Variants in TMEM132C observed in about 807,000 individuals in gnomAD.
TMEM132C encodes the protein transmembrane protein 132C.
Under a neutral mutation model 61.4 loss-of-function variants are expected in TMEM132C, and 29 were observed. The observed-to-expected ratio is 0.47, with a 90% CI of 0.35 to 0.64. The LOEUF is 0.64. Ranked by LOEUF, TMEM132C falls within the 30% of genes least tolerant of loss-of-function variation. The pLI, the probability that TMEM132C is intolerant of heterozygous loss-of-function variation, is 0.00. For synonymous variants in TMEM132C, 656 were observed against 633.1 expected (o/e 1.04, Z -0.54); for missense variants, 1,408 against 1,476.9 (o/e 0.95, Z 0.76).
intron 2 of TMEM132C, among the ~76,000 whole-genome samples, chr12:128,489,040 A>G (rs932937590): frequency 1.2e-4 from 19 of 152,160 alleles, no homozygotes; most frequent in African/African-American, 4.6e-4. Flanking sequence ...GGGGTGCTTT[A>G]GAGAGTCCCA....
At chr12:128,411,980 G>A (rs1189290756) in intron 1 of TMEM132C, among the ~76,000 whole-genome samples, 1 of 152,272 alleles carries the variant, frequency 6.6e-6, no homozygotes, top group Non-Finnish European at 1.5e-5. Context: ...ACAGAAAGTA[G>A]TTTCAGAATT....
At chr12:128,429,228 A>G (rs1311114876) in intron 2 of TMEM132C, among the ~76,000 whole-genome samples, 1 of 152,214 alleles carries the variant, frequency 6.6e-6, no homozygotes, top group East Asian at 1.9e-4. Context: ...TGCTACTGGC[A>G]TCTAGTAAAC....
chr12:128,685,888 G>A (rs79058142), intron 5 of TMEM132C, among the ~76,000 whole-genome samples: 3,383 of 152,278 alleles, frequency 0.022, 87 homozygotes, highest in South Asian at 0.14. Flanking sequence ...TGTGTTTATG[G>A]TGTGGACTCA....
At chr12:128,378,084 C>G (rs1874258194) in intron 1 of TMEM132C, among the ~76,000 whole-genome samples, 1 of 151,146 alleles carries the variant, frequency 6.6e-6, no homozygotes, top group Non-Finnish European at 1.5e-5. Flanking sequence ...TTTAGAAGAT[C>G]ACTTGGAGGT....
At position 128,705,612 on chromosome 12, in the gene TMEM132C, GA is replaced by G; in HGVS notation, c.2645del (p.Glu882GlyfsTer39). Reference sequence around the variant, plus strand: ...GGCAGACGGGGGCAGGCTGGCAGGAGAGGGGCAGCTGCAGAACATCCCCATT... The same window carrying G: ...GGCAGACGGGGGCAGGCTGGCAGGAGGGGGCAGCTGCAGAACATCCCCATT... The part of the protein sequence containing the change: ...SRADGGRLAG[E>X]GQLQNIPIDF... On this transcript the variant is annotated frameshift_variant, in exon 9 of 9. Transcript: ENST00000435159. LOFTEE classifies it low-confidence loss of function (END_TRUNC). 6.4e-7 allele frequency: 1 copy of G among 1,551,030 alleles called. No individual in the cohort carries two copies. The highest frequency in any genetic ancestry group is 8.7e-7 in the Non-Finnish European group (1 of 1,146,996).
Position 128,567,984 on chromosome 12 carries a change from C to T in TMEM132C, c.1121+23881C>T, listed in dbSNP as rs1238318568. 3.9e-5 allele frequency among the ~76,000 whole-genome samples: 6 copies of T among 152,294 alleles called. No individual in the cohort carries two copies. In the East Asian group the frequency reaches 1.2e-3, roughly 29 times the overall value. ...AGAGATGAAAGGACCCCCTAAGTTACATGACGCAGGAGCCAATGTCCATTA... is the reference window on the plus strand; with the variant it reads ...AGAGATGAAAGGACCCCCTAAGTTATATGACGCAGGAGCCAATGTCCATTA... On this transcript the variant is annotated intron_variant, in intron 3 of 8. Coordinates refer to ENST00000435159, the MANE Select transcript of TMEM132C (RefSeq NM_001136103.3).
intron 2 of TMEM132C, among the ~76,000 whole-genome samples, chr12:128,464,604 A>G (rs941277655): frequency 6.6e-6 from 1 of 152,182 alleles, no homozygotes; most frequent in East Asian, 1.9e-4. Context: ...AAATGAATAA[A>G]TAAGTAAATA....
At chr12:128,281,401 T>C (rs796957896) in intron 1 of TMEM132C, among the ~76,000 whole-genome samples, 10 of 152,300 alleles carry the variant, frequency 6.6e-5, no homozygotes, top group African/African-American at 2.4e-4. Context: ...CTGAATCAAA[T>C]CCCTGCTCCA....
At chr12:128,449,844 G>A (rs1321150551) in intron 2 of TMEM132C, among the ~76,000 whole-genome samples, 1 of 152,200 alleles carries the variant, frequency 6.6e-6, no homozygotes, top group African/African-American at 2.4e-5. Context: ...TCTTTGCCAG[G>A]GAAGGAAGTG....
chr12:128,689,998 C>A (rs1189716670), intron 5 of TMEM132C, among the ~76,000 whole-genome samples: 1 of 152,176 alleles, frequency 6.6e-6, no homozygotes, highest in East Asian at 1.9e-4. Context: ...CCTCTGCCTT[C>A]CCCTTGGAAA....
intron 1 of TMEM132C, among the ~76,000 whole-genome samples, chr12:128,398,091 C>T (rs1010491634): frequency 2.6e-5 from 4 of 152,198 alleles, no homozygotes; most frequent in African/African-American, 9.7e-5. Flanking sequence ...TCAGAGGCCT[C>T]ATCCATCAGA....
chr12:128,520,917 G>T (rs1048757801), intron 2 of TMEM132C, among the ~76,000 whole-genome samples: 1 of 151,740 alleles, frequency 6.6e-6, no homozygotes. Context: ...GTTTGTTCCC[G>T]TGTGTTTTCT....
chr12:128,468,509 G>A (rs185947098), intron 2 of TMEM132C, among the ~76,000 whole-genome samples: 24 of 152,030 alleles, frequency 1.6e-4, no homozygotes, highest in Middle Eastern at 6.8e-3. Context: ...AGTAGAGACC[G>A]GGTTTCTCCA....
intron 1 of TMEM132C, among the ~76,000 whole-genome samples, chr12:128,390,889 A>G (rs1351812645): frequency 6.6e-6 from 1 of 152,176 alleles, no homozygotes; most frequent in Non-Finnish European, 1.5e-5. Context: ...AGACACAGGC[A>G]GATACAGGGT....
In TMEM132C at chr12:128,277,420, A is replaced by C. The variant is rs1380566941; in HGVS notation, c.85+9933A>C. Among the ~76,000 whole-genome samples, 3 of 152,294 alleles carry C rather than the reference A, an allele frequency of 2.0e-5. No individual in the cohort carries two copies. The South Asian group carries it at 6.2e-4, about 32-fold the overall frequency. On this transcript the variant is annotated intron_variant, in intron 1 of 8. Coordinates refer to ENST00000435159, the MANE Select transcript of TMEM132C (RefSeq NM_001136103.3). ...ATATTCTGTCCACACAGCATACTCA[A>C]CTAAAAGAAAGTGACTTCTCACACG...
chr12:128,507,752 G>C (rs1334356210), intron 2 of TMEM132C, among the ~76,000 whole-genome samples: 1 of 152,206 alleles, frequency 6.6e-6, no homozygotes, highest in Non-Finnish European at 1.5e-5. Context: ...TCTCCCAGAA[G>C]CATGTTTTGA....
intron 3 of TMEM132C, among the ~76,000 whole-genome samples, chr12:128,556,316 G>T (rs1475549833): frequency 6.6e-6 from 1 of 152,202 alleles, no homozygotes; most frequent in Non-Finnish European, 1.5e-5. Flanking sequence ...AGGAAGTCAG[G>T]ATGTGTCTAT....
intron 2 of TMEM132C, among the ~76,000 whole-genome samples, chr12:128,426,453 C>T (rs190692336): frequency 4.7e-4 from 71 of 152,280 alleles, no homozygotes; most frequent in African/African-American, 1.7e-3. Flanking sequence ...GCAGAAGAGA[C>T]CCTAAAACAC....
chr12:128,324,800 C>T (rs1406250704), intron 1 of TMEM132C, among the ~76,000 whole-genome samples: 2 of 152,014 alleles, frequency 1.3e-5, no homozygotes, highest in African/African-American at 4.8e-5. Flanking sequence ...TGCAGCCCAG[C>T]CTGGGTGACA....
Sources: gnomAD v4.1 joint callset for allele counts (sites outside exome capture counted in the v4.1 genomes callset) on GRCh38, gnomAD v4.1.1 for gene constraint, MANE v1.5 for transcripts, NCBI Gene and HGNC (gene_info 2026-07-23, HGNC 2026-07-21) for gene names.